Variants in CSMD1 observed in about 807,000 individuals in gnomAD.
CSMD1 encodes the protein CUB and sushi domain-containing protein 1.
A neutral mutation model predicts 417.5 loss-of-function variants in CSMD1; 213 were observed. That is an observed-to-expected ratio of 0.51 (90% CI 0.46 to 0.57). CSMD1 has a LOEUF of 0.57. Among genes scored for constraint, CSMD1 ranks in the 20% least tolerant of loss-of-function variants. CSMD1 has a pLI of 0.00. For missense variants in CSMD1, 6,923 were observed against 4,529.7 expected (o/e 1.53, Z -15.17); for synonymous variants, 2,862 against 1,736.8 (o/e 1.65, Z -16.11).
At chr8:4,955,005 T>C (rs1031850490) in intron 1 of CSMD1, among the ~76,000 whole-genome samples, 1 of 152,188 alleles carries the variant, frequency 6.6e-6, no homozygotes, top group African/African-American at 2.4e-5. Flanking sequence ...CAATGTTCTT[T>C]CTTAGACGAG....
intron 8 of CSMD1, among the ~76,000 whole-genome samples, chr8:3,602,713 A>T (rs1386633953): frequency 1.5e-5 from 2 of 130,510 alleles, no homozygotes; most frequent in African/African-American, 6.3e-5. Context: ...TTACAGGAAG[A>T]ATTACACACA....
chr8:4,262,897 C>T (rs987466118), intron 3 of CSMD1, among the ~76,000 whole-genome samples: 1 of 152,132 alleles, frequency 6.6e-6, no homozygotes, highest in Non-Finnish European at 1.5e-5. Flanking sequence ...ACTGCCATCA[C>T]AGAAGTCATC....
chr8:4,402,039 C>G (rs1327808821), intron 3 of CSMD1, among the ~76,000 whole-genome samples: 7 of 152,160 alleles, frequency 4.6e-5, no homozygotes, highest in African/African-American at 1.7e-4. Context: ...GGTGACTTCA[C>G]TATCCTGCTA....
In CSMD1 at chr8:4,104,838, G is replaced by C. The variant is rs527783011; in HGVS notation, c.416-72739C>G. ...CTTTAAATGTTTCCTTGAGATCAAA[G>C]CCTCTGAGTGCTTAGCCTTACATTT... On this transcript the variant is annotated intron_variant, in intron 3 of 69. Coordinates refer to ENST00000635120, the MANE Select transcript of CSMD1 (RefSeq NM_033225.6). 9.9e-5 allele frequency among the ~76,000 whole-genome samples: 15 copies of C among 152,238 alleles called. No homozygotes were observed. In the East Asian group the frequency reaches 2.1e-3, roughly 22 times the overall value.
At chr8:3,722,874 T>C (rs977122530) in intron 6 of CSMD1, among the ~76,000 whole-genome samples, 4 of 151,572 alleles carry the variant, frequency 2.6e-5, no homozygotes, top group Admixed American at 6.6e-5. Context: ...AGCTGCTTTT[T>C]CATGGAACAC....
chr8:3,347,304 A>T (rs140879985), intron 22 of CSMD1, among the ~76,000 whole-genome samples: 1 of 152,324 alleles, frequency 6.6e-6, no homozygotes, highest in African/African-American at 2.4e-5. Flanking sequence ...ATTTATTGAA[A>T]TACTTACAGG....
intron 3 of CSMD1, among the ~76,000 whole-genome samples, chr8:4,101,441 C>G (rs954192225): frequency 1.3e-5 from 2 of 152,148 alleles, no homozygotes; most frequent in Non-Finnish European, 2.9e-5. Flanking sequence ...CACAGTTACC[C>G]TTGTGCTCTG....
rs1030776223 is a variant in CSMD1, at chr8:2,937,246, A to T, written c.*1339T>A. On this transcript the variant is annotated 3_prime_UTR_variant, in exon 70 of 70. Coordinates refer to ENST00000635120, the MANE Select transcript of CSMD1 (RefSeq NM_033225.6). Reference sequence around the variant, plus strand: ...TGAAATTACCTTTCCATCTGGAATCATAAAGCATGAAACAAATAACAAATG... The same window carrying T: ...TGAAATTACCTTTCCATCTGGAATCTTAAAGCATGAAACAAATAACAAATG... 42 of 152,288 alleles carry T rather than the reference A, an allele frequency of 2.8e-4. 1 individual carries two copies. The highest frequency in any genetic ancestry group is 9.9e-4 in the African/African-American group (41 of 41,550). The allele number at this position is 152,288 out of a possible 1,614,324, so 9.4% of individuals were successfully genotyped here.
At chr8:3,644,975 A>T (rs970061045) in intron 7 of CSMD1, among the ~76,000 whole-genome samples, 8 of 150,572 alleles carry the variant, frequency 5.3e-5, no homozygotes, top group South Asian at 4.2e-4. Flanking sequence ...TGAAAAAAAA[A>T]AAAAAAAAAA....
intron 7 of CSMD1, among the ~76,000 whole-genome samples, chr8:3,668,821 G>A (rs530961419): frequency 2.0e-5 from 3 of 152,128 alleles, no homozygotes; most frequent in African/African-American, 7.2e-5. Context: ...TTGCTGTTAA[G>A]TAAAGTTATA....
intron 5 of CSMD1, among the ~76,000 whole-genome samples, chr8:3,896,060 T>C (rs1200042501): frequency 4.6e-5 from 7 of 152,232 alleles, no homozygotes; most frequent in Non-Finnish European, 5.9e-5. Flanking sequence ...GCTGGACTCA[T>C]GTAGCTGCTG....
intron 5 of CSMD1, among the ~76,000 whole-genome samples, chr8:3,959,825 C>T (rs903222652): frequency 2.0e-5 from 3 of 152,172 alleles, no homozygotes; most frequent in African/African-American, 7.2e-5. Flanking sequence ...TGGCATTATA[C>T]ACCAAGTGAT....
chr8:4,181,954 C>T (rs932759184), intron 3 of CSMD1, among the ~76,000 whole-genome samples: 1 of 23,992 alleles, frequency 4.2e-5, no homozygotes, highest in Middle Eastern at 0.019. Flanking sequence ...TTGTCTGTGT[C>T]TGCGTGTGTG....
At chr8:4,398,302 C>G (rs967578763) in intron 3 of CSMD1, among the ~76,000 whole-genome samples, 3 of 150,568 alleles carry the variant, frequency 2.0e-5, no homozygotes, top group African/African-American at 7.3e-5. Flanking sequence ...CGTCTCTACT[C>G]TTAGTATGAG....
chr8:3,511,656 G>T (rs1259607610), intron 10 of CSMD1, among the ~76,000 whole-genome samples: 1 of 149,580 alleles, frequency 6.7e-6, no homozygotes, highest in Non-Finnish European at 1.5e-5. Context: ...TACTCAGGAG[G>T]CAAAGGCAGG....
chr8:3,043,152 T>C lies in CSMD1; in HGVS notation c.7660+9310A>G, dbSNP rs186921670. Among the ~76,000 whole-genome samples, 31 of 151,688 alleles carry C rather than the reference T, an allele frequency of 2.0e-4. No individual in the cohort carries two copies. The East Asian group carries it at 5.1e-3, about 25-fold the overall frequency. ...GTACATATATATAGTGATATACATA[T>C]AGCGATATATACAGATTATATAGTA... On this transcript the variant is annotated intron_variant, in intron 50 of 69. Transcript: ENST00000635120.
chr8:4,056,138 G>C (rs1015014838), intron 3 of CSMD1, among the ~76,000 whole-genome samples: 11 of 127,812 alleles, frequency 8.6e-5, no homozygotes, highest in Admixed American at 6.1e-4. Flanking sequence ...CTGCAATACA[G>C]TGGCACCATC....
chr8:3,796,231 CATAGATATAGATATATATCTATCATGT>C lies in CSMD1; in HGVS notation c.819-42216_819-42190del, dbSNP rs1585012753. 4.7e-4 allele frequency among the ~76,000 whole-genome samples: 9 copies of C among 18,988 alleles called. 2 individuals are homozygous for C. Among genetic ancestry groups the C allele is most frequent in the Admixed American group, 2.3e-3 (4 of 1,712 alleles). 12.5% of individuals were successfully genotyped at this position (18,988 alleles called of 152,430 possible). On this transcript the variant is annotated intron_variant, in intron 5 of 69. Transcript: ENST00000635120. ...ATCATAGATATAGATATATATCTAT[CATAGATATAGATATATATCTATCATGT>C]ATAGATATAGATATATATCTATCAT...
At chr8:4,546,750 T>C (rs957283521) in intron 2 of CSMD1, among the ~76,000 whole-genome samples, 2 of 152,026 alleles carry the variant, frequency 1.3e-5, no homozygotes, top group Non-Finnish European at 2.9e-5. Context: ...TAAATATATA[T>C]GTGTATGCAT....
Sources: gnomAD v4.1 joint callset for allele counts (sites outside exome capture counted in the v4.1 genomes callset) on GRCh38, gnomAD v4.1.1 for gene constraint, MANE v1.5 for transcripts, NCBI Gene and HGNC (gene_info 2026-07-23, HGNC 2026-07-21) for gene names.